SUCLA2: variants seen among roughly 807,000 people sequenced by gnomAD.
SUCLA2 encodes succinate--CoA ligase [ADP-forming] subunit beta, mitochondrial.
SUCLA2 carries 30 observed loss-of-function variants against 54.8 expected under a neutral mutation model. The observed-to-expected ratio is 0.55, with a 90% CI of 0.41 to 0.74. SUCLA2 has a LOEUF of 0.74. Ranked by LOEUF, SUCLA2 falls within the 30% of genes least tolerant of loss-of-function variation. SUCLA2 has a pLI of 0.00. For missense variants in SUCLA2, 476 were observed against 562.9 expected, an observed-to-expected ratio of 0.85 and a Z score of 1.56; for synonymous variants, 172 against 188.9, an observed-to-expected ratio of 0.91 and a Z score of 0.74.
intron 10 of SUCLA2, chr13:47,945,793 G>A (rs1949726551): frequency 6.6e-6 from 1 of 152,134 alleles, no homozygotes; most frequent in African/African-American, 2.4e-5. Flanking sequence ...AAGTCATTAA[G>A]TTTTAAACTG....
intron 2 of SUCLA2, among the ~76,000 whole-genome samples, chr13:47,993,165 G>C (rs751050530): frequency 1.3e-5 from 2 of 152,170 alleles, no homozygotes; most frequent in Non-Finnish European, 2.9e-5. Flanking sequence ...CCAGGAGGTC[G>C]AAGCTGCAAT....
chr13:47,966,975 G>A (rs981394791), intron 6 of SUCLA2, among the ~76,000 whole-genome samples: 2 of 152,136 alleles, frequency 1.3e-5, no homozygotes, highest in Non-Finnish European at 2.9e-5. Context: ...AGCTGTGATT[G>A]TGTCAGCGTA....
At chr13:47,981,677 A>C (rs574628589) in intron 4 of SUCLA2, among the ~76,000 whole-genome samples, 2 of 152,158 alleles carry the variant, frequency 1.3e-5, no homozygotes, top group Non-Finnish European at 2.9e-5. Context: ...CTAGCCGGGC[A>C]TGGTGGTGCA....
intron 8 of SUCLA2, among the ~76,000 whole-genome samples, chr13:47,953,050 T>C (rs1188703657): frequency 6.6e-6 from 1 of 152,106 alleles, no homozygotes; most frequent in East Asian, 1.9e-4. Context: ...AGTAAAACTA[T>C]AAGTAACTTA....
chr13:47,996,712 C>T, intron 2 of SUCLA2, 131 bp downstream of exon 2: 2 of 735,570 alleles, frequency 2.7e-6, no homozygotes, highest in East Asian at 2.8e-5. Context: ...AAAGTTCTAC[C>T]TTCTATTTTA....
At chr13:48,000,161 C>T (rs1950219358) in intron 1 of SUCLA2, among the ~76,000 whole-genome samples, 1 of 149,376 alleles carries the variant, frequency 6.7e-6, no homozygotes, top group Non-Finnish European at 1.5e-5. Flanking sequence ...AAGGTAGGGG[C>T]GGGAGGGCCC....
rs1949800815 is a variant in SUCLA2, at chr13:47,954,283, C to T, written c.965-1G>A. ...GCCATAGCCAAACCAGCACCATTTA[C>T]TATATAGGGGAAAATGATTTGTATA... On this transcript the variant is annotated splice_acceptor_variant, in intron 7 of 10. Coordinates refer to ENST00000646932, the MANE Select transcript of SUCLA2 (RefSeq NM_003850.3). LOFTEE classifies it high-confidence loss of function. 6.2e-7 allele frequency: 1 copy of T among 1,613,794 alleles called. No homozygotes were observed. The highest frequency in any genetic ancestry group is 8.5e-7 in the Non-Finnish European group (1 of 1,179,820).
At chr13:47,995,247 G>A (rs971327875) in intron 2 of SUCLA2, among the ~76,000 whole-genome samples, 19 of 152,098 alleles carry the variant, frequency 1.2e-4, no homozygotes, top group African/African-American at 4.6e-4. Context: ...CATTTTTACC[G>A]ACGTAATTAT....
intron 9 of SUCLA2, 65 bp from the exon 10 acceptor site, chr13:47,949,093 G>C: frequency 6.7e-7 from 1 of 1,490,858 alleles, no homozygotes; most frequent in Non-Finnish European, 9.3e-7. Context: ...TAAAATGTTT[G>C]CCAAAACATG....
At chr13:47,983,557 T>C (rs1249270105) in intron 4 of SUCLA2, among the ~76,000 whole-genome samples, 3 of 150,596 alleles carry the variant, frequency 2.0e-5, no homozygotes, top group Non-Finnish European at 4.4e-5. Flanking sequence ...TGGTGCGATA[T>C]GGGCTCACTG....
At chr13:47,982,365 C>G (rs1950066540) in intron 4 of SUCLA2, among the ~76,000 whole-genome samples, 1 of 152,026 alleles carries the variant, frequency 6.6e-6, no homozygotes, top group African/African-American at 2.4e-5. Context: ...CTTCAGGTAT[C>G]TAAAATACTC....
intron 6 of SUCLA2, among the ~76,000 whole-genome samples, chr13:47,958,097 A>G (rs1020457267): frequency 1.3e-5 from 2 of 152,164 alleles, no homozygotes; most frequent in African/African-American, 4.8e-5. Context: ...CTGCTACGCT[A>G]AGCAGGGTTG....
chr13:47,949,729 C>A, intron 8 of SUCLA2, 126 bp from the exon 9 acceptor site: 1 of 923,232 alleles, frequency 1.1e-6, no homozygotes, highest in Non-Finnish European at 1.7e-6. Context: ...GACCAAACCA[C>A]AATACCCTCT....
intron 4 of SUCLA2, among the ~76,000 whole-genome samples, chr13:47,975,937 C>T (rs1950008405): frequency 6.6e-6 from 1 of 152,138 alleles, no homozygotes; most frequent in Non-Finnish European, 1.5e-5. Context: ...GTCAACTGCA[C>T]AGACAATGAT....
intron 3 of SUCLA2, 77 bp from the exon 4 acceptor site, chr13:47,988,780 T>A: frequency 6.3e-7 from 1 of 1,594,852 alleles, no homozygotes; most frequent in Non-Finnish European, 8.6e-7. Context: ...GCCAAAATTT[T>A]ATCTCATCTA....
chr13:47,972,869 TC>T (rs1949979529), intron 5 of SUCLA2, among the ~76,000 whole-genome samples: 3 of 147,176 alleles, frequency 2.0e-5, no homozygotes, highest in Non-Finnish European at 4.5e-5. Flanking sequence ...TGCCTCAGCC[TC>T]CCGAGTAGCT....
intron 6 of SUCLA2, among the ~76,000 whole-genome samples, chr13:47,961,290 G>T (rs1482106218): frequency 2.0e-5 from 3 of 151,964 alleles, no homozygotes; most frequent in African/African-American, 4.8e-5. Context: ...GAGTGGGGGG[G>T]GCCAGACAGG....
At chr13:47,954,914 A>C (rs1949807443) in intron 6 of SUCLA2, among the ~76,000 whole-genome samples, 1 of 152,048 alleles carries the variant, frequency 6.6e-6, no homozygotes, top group Non-Finnish European at 1.5e-5. Context: ...TCTACTCAAA[A>C]ATAATGTTCC....
chr13:47,953,252 T>C lies in SUCLA2; in HGVS notation c.1107+888A>G, dbSNP rs73187769. Among the ~76,000 whole-genome samples the C allele has an allele frequency of 7.7e-3, 1,166 of 152,254 alleles. 12 individuals carry two copies. The highest frequency in any genetic ancestry group is 9.1e-3 in the Non-Finnish European group (622 of 68,008). ...TCTTGCACCTGGGCCCTAAAAGCCA[T>C]GCTTAGAAAAATAAACAACTAGAAT... On this transcript the variant is annotated intron_variant, in intron 8 of 10. Coordinates refer to ENST00000646932, the MANE Select transcript of SUCLA2 (RefSeq NM_003850.3).
Sources: allele counts gnomAD v4.1 joint callset (sites outside exome capture counted in the v4.1 genomes callset), GRCh38; gene constraint gnomAD v4.1.1; transcripts MANE v1.5; gene names NCBI Gene and HGNC (gene_info 2026-07-23, HGNC 2026-07-21).